SFTPD: variants seen among roughly 807,000 people sequenced by gnomAD.
SFTPD encodes the protein surfactant protein D, also known as pulmonary surfactant-associated protein D.
Under a neutral mutation model 34.6 loss-of-function variants are expected in SFTPD, and 18 were observed. The ratio of observed to expected loss-of-function variants is 0.52; its 90% CI spans 0.36 to 0.77. The LOEUF (loss-of-function observed/expected upper bound fraction) is 0.77, where lower values mean the gene tolerates loss of function less well. Ranked by LOEUF, SFTPD falls within the 30% of genes least tolerant of loss-of-function variation. SFTPD has a pLI of 0.00. For missense variants in SFTPD, 433 were observed against 468.9 expected (o/e 0.92, Z 0.71); for synonymous variants, 155 against 180.9 (o/e 0.86, Z 1.15).
intron 1 of SFTPD, among the ~76,000 whole-genome samples, chr10:79,961,749 A>T (rs185484095): frequency 1.6e-4 from 25 of 152,282 alleles, no homozygotes; most frequent in Non-Finnish European, 1.8e-4. Flanking sequence ...TTCCTCAGGG[A>T]TCTAGAACTA....
chr10:79,949,265 A>G (rs1451521036), upstream of SFTPD, among the ~76,000 whole-genome samples: 1 of 152,144 alleles, frequency 6.6e-6, no homozygotes, highest in African/African-American at 2.4e-5. Context: ...GATATTCACA[A>G]TACTATGCAC....
intron 4 of SFTPD, 64 bp downstream of exon 4, chr10:79,942,324 C>A: frequency 1.7e-6 from 2 of 1,145,610 alleles, no homozygotes; most frequent in South Asian, 2.5e-5. Flanking sequence ...CGCCTCAGGT[C>A]ATATCATGGA....
upstream of SFTPD, among the ~76,000 whole-genome samples, chr10:79,952,947 A>G (rs1842719133): frequency 6.6e-6 from 1 of 152,094 alleles, no homozygotes; most frequent in Admixed American, 6.5e-5. Context: ...GAGTGAGGGG[A>G]GCAACTTCCC....
chr10:79,971,933 T>C (rs1842836978), intron 1 of SFTPD: 4 of 152,232 alleles, frequency 2.6e-5, no homozygotes, highest in African/African-American at 9.6e-5. Flanking sequence ...AGGTTTTCTA[T>C]GCCTTTGTTC....
intron 2 of SFTPD, among the ~76,000 whole-genome samples, chr10:79,945,481 C>T (rs918236496): frequency 6.6e-6 from 1 of 152,174 alleles, no homozygotes; most frequent in Non-Finnish European, 1.5e-5. Context: ...TGAAGCCCTG[C>T]CCAATGTCAT....
chr10:79,938,255 G>C (rs545165391), intron 7 of SFTPD, 27 bp from the exon 8 acceptor site: 1 of 1,563,616 alleles, frequency 6.4e-7, no homozygotes, highest in Non-Finnish European at 8.7e-7. Context: ...GTCAGGTTGG[G>C]GTTGTGGCAT....
chr10:79,956,536 C>T (rs866535270), intron 1 of SFTPD, among the ~76,000 whole-genome samples: 6 of 152,264 alleles, frequency 3.9e-5, no homozygotes, highest in Admixed American at 6.5e-5. Context: ...CCTACGCCCA[C>T]GGAGTCTCGC....
Position 79,944,096 on chromosome 10 carries a change from C to T in SFTPD, c.200-1217G>A, listed in dbSNP as rs17886286. On this transcript the variant is annotated intron_variant, in intron 2 of 7. Transcript: ENST00000372292. ...GTACCCAGAGACCTAGACCTGCACCCGAGTGCCACCTGAAGTGGAGCTTTA... is the reference window on the plus strand; with the variant it reads ...GTACCCAGAGACCTAGACCTGCACCTGAGTGCCACCTGAAGTGGAGCTTTA... Among the ~76,000 whole-genome samples, 4 of 152,156 alleles carry T rather than the reference C, an allele frequency of 2.6e-5. No homozygotes were observed. In the South Asian group the frequency reaches 8.3e-4, roughly 31 times the overall value.
rs554955024 is a variant in SFTPD, at chr10:79,940,931, C to G, written c.668-143G>C. 1.6e-4 allele frequency: 95 copies of G among 605,334 alleles called. 1 individual carries two copies. The African/African-American group carries it at 1.6e-3, about 10-fold the overall frequency. 37.5% of individuals were successfully genotyped at this position (605,334 alleles called of 1,614,324 possible). ...AGCAAGCCCACATCTACTGACACAG[C>G]TGGCCTCTGCTGTGTAAGGATGTCT... On this transcript the variant is annotated intron_variant, in intron 6 of 7. Transcript: ENST00000372292.
At chr10:79,959,443 T>TA (rs1447585833) in intron 1 of SFTPD, among the ~76,000 whole-genome samples, 2 of 151,778 alleles carry the variant, frequency 1.3e-5, no homozygotes, top group Non-Finnish European at 2.9e-5. Context: ...ATAGACGCAA[T>TA]AAAAAATGAT....
intron 3 of SFTPD, 44 bp downstream of exon 3, chr10:79,942,719 C>T (rs1431724794): frequency 3.8e-6 from 5 of 1,319,690 alleles, no homozygotes; most frequent in Non-Finnish European, 1.1e-6. Context: ...CTTGCAGCTG[C>T]ACCACCACCT....
intron 1 of SFTPD, chr10:79,972,848 G>A (rs77565539): frequency 0.078 from 11,916 of 152,152 alleles, 918 homozygotes; most frequent in East Asian, 0.39. Context: ...ACCTGAAGGC[G>A]GGCAAATGGG....
Position 79,941,457 on chromosome 10 carries a change from A to G in SFTPD, c.608T>C (p.Leu203Ser). The change falls in exon 6 of 8, where the codon TTG becomes TCG. Residue 203 changes from leucine to serine, a missense_variant. Coordinates refer to ENST00000372292, the MANE Select transcript of SFTPD (RefSeq NM_003019.5). ...GSPGARGPPGLKGDKGIPGDK... is the reference protein window; with the variant it reads ...GSPGARGPPGSKGDKGIPGDK... ...TCCAGGAATGCCTTTGTCCCCCTTC[A>G]ATCCCGGGGGTCCCCTGGCACCTGG... The G allele has an allele frequency of 1.2e-6, 2 of 1,613,300 alleles. No homozygotes were observed. Among genetic ancestry groups the G allele is most frequent in the Non-Finnish European group, 1.7e-6 (2 of 1,179,586 alleles).
intron 7 of SFTPD, among the ~76,000 whole-genome samples, chr10:79,940,312 A>C (rs1465122964): frequency 2.0e-5 from 3 of 152,230 alleles, no homozygotes; most frequent in Non-Finnish European, 4.4e-5. Flanking sequence ...ACTGAATTGC[A>C]CTGGACTCAG....
intron 1 of SFTPD, among the ~76,000 whole-genome samples, chr10:79,948,191 G>C (rs373095163): frequency 1.2e-4 from 18 of 152,348 alleles, no homozygotes; most frequent in African/African-American, 3.6e-4. Flanking sequence ...ACCTGTTCTG[G>C]CAGAGGCTCA....
chr10:79,974,849 G>C (rs1842855964), intron 1 of SFTPD, among the ~76,000 whole-genome samples: 1 of 152,192 alleles, frequency 6.6e-6, no homozygotes, highest in Admixed American at 6.5e-5. Flanking sequence ...TACACACACA[G>C]AAATATAGAG....
chr10:79,942,980 G>C, intron 2 of SFTPD, 101 bp from the exon 3 acceptor site: 1 of 742,830 alleles, frequency 1.3e-6, no homozygotes, highest in South Asian at 1.6e-5. Flanking sequence ...ATTCTGCAGA[G>C]CATGAGACTT....
chr10:79,981,582 G>A (rs1842890482), intron 1 of SFTPD, among the ~76,000 whole-genome samples: 1 of 152,172 alleles, frequency 6.6e-6, no homozygotes, highest in Non-Finnish European at 1.5e-5. Flanking sequence ...CGGTTGCCGG[G>A]AAGCGCGCAG....
intron 7 of SFTPD, among the ~76,000 whole-genome samples, chr10:79,940,352 C>A (rs533688606): frequency 2.6e-5 from 4 of 152,324 alleles, no homozygotes; most frequent in Non-Finnish European, 5.9e-5. Flanking sequence ...GCACAGGTGG[C>A]ATTGAGGTTG....
Sources: gnomAD v4.1 joint callset for allele counts (sites outside exome capture counted in the v4.1 genomes callset) on GRCh38, gnomAD v4.1.1 for gene constraint, MANE v1.5 for transcripts, NCBI Gene and HGNC (gene_info 2026-07-23, HGNC 2026-07-21) for gene names.